RPS6KC1: variants seen among roughly 807,000 people sequenced by gnomAD.
RPS6KC1 encodes the protein inactive ribosomal protein S6 kinase delta-1.
RPS6KC1 carries 54 observed loss-of-function variants against 103.8 expected under a neutral mutation model. That is an observed-to-expected ratio of 0.52 (90% CI 0.42 to 0.65). The LOEUF (loss-of-function observed/expected upper bound fraction) is 0.65, where lower values mean the gene tolerates loss of function less well. RPS6KC1 is among the 30% of genes least tolerant of loss of function. The pLI is 0.00. For synonymous variants in RPS6KC1, 439 were observed against 438.7 expected, an observed-to-expected ratio of 1.00 and a Z score of -0.01; for missense variants, 1,151 against 1,253.8, an observed-to-expected ratio of 0.92 and a Z score of 1.24.
chr1:213,431,632 A>G, the RPS6KC1 span, among the ~76,000 whole-genome samples: 1 of 146,596 alleles, frequency 6.8e-6, no homozygotes, highest in East Asian at 2.1e-4. Context: ...TCACTGCTCT[A>G]TTGTATTCCA....
the RPS6KC1 span, chr1:213,837,254 G>A: frequency 6.6e-6 from 1 of 151,920 alleles, no homozygotes. Flanking sequence ...AACCCTCTAA[G>A]GCAAGATATT....
At chr1:213,706,782 A>G in the RPS6KC1 span, among the ~76,000 whole-genome samples, 1 of 151,814 alleles carries the variant, frequency 6.6e-6, no homozygotes. Flanking sequence ...CTCACTTATG[A>G]GTGAGAACAT....
the RPS6KC1 span, among the ~76,000 whole-genome samples, chr1:213,757,993 G>A: frequency 6.6e-6 from 1 of 152,164 alleles, no homozygotes; most frequent in Non-Finnish European, 1.5e-5. Flanking sequence ...CCACTGTTGA[G>A]ACCTACTTTT....
chr1:213,727,249 T>C, the RPS6KC1 span, among the ~76,000 whole-genome samples: 2 of 152,204 alleles, frequency 1.3e-5, no homozygotes, highest in East Asian at 3.8e-4. Flanking sequence ...GAATTACCTA[T>C]GGCCATAGCT....
At chr1:213,528,193 C>A in the RPS6KC1 span, among the ~76,000 whole-genome samples, 5 of 152,152 alleles carry the variant, frequency 3.3e-5, no homozygotes, top group African/African-American at 1.2e-4. Flanking sequence ...AATTGACTCA[C>A]AGTTCAGCAT....
intron 8 of RPS6KC1, among the ~76,000 whole-genome samples, chr1:213,223,140 A>C (rs2093876010): frequency 6.6e-6 from 1 of 152,208 alleles, no homozygotes; most frequent in Non-Finnish European, 1.5e-5. Flanking sequence ...CCAGATTATA[A>C]GCAGCAAACA....
At chr1:213,397,582 A>AACACACACACACAC in the RPS6KC1 span, among the ~76,000 whole-genome samples, 3 of 89,016 alleles carry the variant, frequency 3.4e-5, no homozygotes, top group African/African-American at 7.5e-5. Context: ...AAGAGTCAGG[A>AACACACACACACAC]ACACATACAC....
At chr1:213,685,947 T>G in the RPS6KC1 span, among the ~76,000 whole-genome samples, 14,674 of 152,214 alleles carry the variant, frequency 0.096, 796 homozygotes, top group African/African-American at 0.12. Flanking sequence ...TGATTTTTTT[T>G]TGTGTGTGTG....
chr1:213,158,060 A>G (rs1391550), intron 6 of RPS6KC1, among the ~76,000 whole-genome samples: 111,307 of 151,968 alleles, frequency 0.73, 41,632 homozygotes, highest in African/African-American at 0.88. Flanking sequence ...GAATCAATGT[A>G]TATCTTCTAT....
the RPS6KC1 span, among the ~76,000 whole-genome samples, chr1:213,788,557 G>A: frequency 0.15 from 22,705 of 151,800 alleles, 2,162 homozygotes; most frequent in East Asian, 0.29. Context: ...CATACCCTGG[G>A]CACACATTTA....
intron 9 of RPS6KC1, among the ~76,000 whole-genome samples, chr1:213,230,886 T>C (rs2094086848): frequency 6.6e-6 from 1 of 150,602 alleles, no homozygotes; most frequent in Non-Finnish European, 1.5e-5. Context: ...GTTTAATGAA[T>C]TTAAAATTTG....
chr1:213,462,010 CA>C, the RPS6KC1 span, among the ~76,000 whole-genome samples: 1 of 152,152 alleles, frequency 6.6e-6, no homozygotes, highest in Non-Finnish European at 1.5e-5. Flanking sequence ...AAAAATTTTG[CA>C]ATCTATCCAT....
the RPS6KC1 span, among the ~76,000 whole-genome samples, chr1:213,479,324 T>C: frequency 6.6e-6 from 1 of 152,048 alleles, no homozygotes; most frequent in Admixed American, 6.5e-5. Flanking sequence ...TTCAATGTGA[T>C]TGTGTCAATT....
chr1:213,580,970 C>T, the RPS6KC1 span, among the ~76,000 whole-genome samples: 2 of 152,076 alleles, frequency 1.3e-5, no homozygotes, highest in South Asian at 4.2e-4. Context: ...TGCCTGTATA[C>T]AGGAAGATGT....
chr1:213,741,727 C>A, the RPS6KC1 span, among the ~76,000 whole-genome samples: 1 of 152,070 alleles, frequency 6.6e-6, no homozygotes, highest in Non-Finnish European at 1.5e-5. Context: ...TGCCTCCGCC[C>A]TTCTCTCCAG....
chr1:213,237,776 G>A (rs1343501220), intron 10 of RPS6KC1, among the ~76,000 whole-genome samples: 1 of 151,872 alleles, frequency 6.6e-6, no homozygotes, highest in Non-Finnish European at 1.5e-5. Flanking sequence ...TCTTAAAATG[G>A]TTCAATATCT....
intron 6 of RPS6KC1, among the ~76,000 whole-genome samples, chr1:213,153,065 C>T (rs1220936219): frequency 6.6e-6 from 1 of 152,252 alleles, no homozygotes; most frequent in East Asian, 1.9e-4. Context: ...CAGCGAAACC[C>T]CGTCTCCACC....
At chr1:213,545,063 C>A in the RPS6KC1 span, among the ~76,000 whole-genome samples, 1 of 152,196 alleles carries the variant, frequency 6.6e-6, no homozygotes, top group Non-Finnish European at 1.5e-5. Context: ...TCTTTCAGGG[C>A]TATAAGAGAG....
the RPS6KC1 span, among the ~76,000 whole-genome samples, chr1:213,630,551 G>C: frequency 6.8e-6 from 1 of 146,458 alleles, no homozygotes; most frequent in East Asian, 2.0e-4. Context: ...GGAGTAGTTT[G>C]ATCATCTGAA....
Sources: allele counts gnomAD v4.1 joint callset (sites outside exome capture counted in the v4.1 genomes callset), GRCh38; gene constraint gnomAD v4.1.1; transcripts MANE v1.5; gene names NCBI Gene and HGNC (gene_info 2026-07-23, HGNC 2026-07-21).